The following SUGCT variants were observed in gnomAD, a reference collection of about 807,000 sequenced individuals.
SUGCT encodes succinyl-CoA:glutarate CoA-transferase.
Under a neutral mutation model 55.0 loss-of-function variants are expected in SUGCT, and 41 were observed. That is an observed-to-expected ratio of 0.74 (90% CI 0.58 to 0.97). The LOEUF is 0.97. Among genes scored for constraint, SUGCT ranks in the 50% least tolerant of loss-of-function variants. The pLI is 0.00. For missense variants in SUGCT, 568 were observed against 547.8 expected, an observed-to-expected ratio of 1.04 and a Z score of -0.37; for synonymous variants, 187 against 200.4, an observed-to-expected ratio of 0.93 and a Z score of 0.56.
intron 13 of SUGCT, among the ~76,000 whole-genome samples, chr7:40,756,429 A>G (rs1788256013): frequency 6.6e-6 from 1 of 152,220 alleles, no homozygotes; most frequent in Non-Finnish European, 1.5e-5. Context: ...AAGCCTATAC[A>G]TTAAATGGAG....
At chr7:40,178,956 G>A (rs999757042) in intron 1 of SUGCT, among the ~76,000 whole-genome samples, 7 of 151,760 alleles carry the variant, frequency 4.6e-5, no homozygotes, top group African/African-American at 1.7e-4. Context: ...GTTCTGCTCT[G>A]TAGGTGATTT....
chr7:40,939,324 G>T, the SUGCT span, among the ~76,000 whole-genome samples: 7 of 152,128 alleles, frequency 4.6e-5, no homozygotes, highest in African/African-American at 7.2e-5. Context: ...CTCTTTCCAG[G>T]TTTCTTCCAC....
the SUGCT span, among the ~76,000 whole-genome samples, chr7:40,874,551 T>C: frequency 3.3e-5 from 5 of 152,354 alleles, no homozygotes; most frequent in East Asian, 9.6e-4. Flanking sequence ...ATTATCACCC[T>C]GTAAATTTTT....
At chr7:40,151,197 G>A (rs568588718) in intron 1 of SUGCT, among the ~76,000 whole-genome samples, 8 of 152,256 alleles carry the variant, frequency 5.3e-5, no homozygotes, top group South Asian at 2.1e-4. Context: ...CCGAGATTGC[G>A]CCACTGCATT....
At chr7:40,660,784 C>T (rs1801264783) in intron 12 of SUGCT, among the ~76,000 whole-genome samples, 1 of 152,196 alleles carries the variant, frequency 6.6e-6, no homozygotes, top group Non-Finnish European at 1.5e-5. Context: ...ACCTCACTTA[C>T]TCTGATTCTG....
intron 12 of SUGCT, among the ~76,000 whole-genome samples, chr7:40,718,666 G>A (rs1351838903): frequency 6.6e-6 from 1 of 152,130 alleles, no homozygotes; most frequent in South Asian, 2.1e-4. Context: ...ATTACTACCA[G>A]CAGTTTGGAG....
At chr7:41,036,325 A>G in the SUGCT span, among the ~76,000 whole-genome samples, 3 of 152,214 alleles carry the variant, frequency 2.0e-5, no homozygotes, top group Non-Finnish European at 4.4e-5. Context: ...GTAACAATTT[A>G]TGTTAGAAAT....
intron 12 of SUGCT, among the ~76,000 whole-genome samples, chr7:40,540,773 T>C (rs1263195507): frequency 2.0e-5 from 3 of 152,220 alleles, no homozygotes; most frequent in Non-Finnish European, 4.4e-5. Context: ...ACTGATTGTG[T>C]ATGTCGCAGT....
chr7:40,999,415 T>G, the SUGCT span, among the ~76,000 whole-genome samples: 17 of 152,168 alleles, frequency 1.1e-4, no homozygotes, highest in Admixed American at 7.2e-4. Flanking sequence ...TGTTGATCCT[T>G]AAATAACATC....
chr7:40,403,599 A>T (rs901005812), intron 9 of SUGCT, among the ~76,000 whole-genome samples: 31 of 152,200 alleles, frequency 2.0e-4, no homozygotes, highest in African/African-American at 7.0e-4. Context: ...CCATTTGAAA[A>T]TTCAGGAGAA....
intron 13 of SUGCT, among the ~76,000 whole-genome samples, chr7:40,829,440 A>G (rs1007088199): frequency 6.6e-6 from 1 of 152,202 alleles, no homozygotes; most frequent in African/African-American, 2.4e-5. Context: ...CTGAGCCCCA[A>G]TTTTGGGATT....
chr7:40,952,082 G>A, the SUGCT span, among the ~76,000 whole-genome samples: 9 of 152,150 alleles, frequency 5.9e-5, no homozygotes, highest in Admixed American at 5.9e-4. Flanking sequence ...TATTGTGTGG[G>A]AGTCTAAGTC....
intron 12 of SUGCT, among the ~76,000 whole-genome samples, chr7:40,570,232 G>T (rs1796369010): frequency 6.6e-6 from 1 of 152,198 alleles, no homozygotes; most frequent in East Asian, 1.9e-4. Context: ...ACATACTAAA[G>T]ATTAATTTTC....
chr7:40,791,523 A>G (rs904061560), intron 13 of SUGCT, among the ~76,000 whole-genome samples: 1 of 152,312 alleles, frequency 6.6e-6, no homozygotes, highest in Non-Finnish European at 1.5e-5. Context: ...AGGTAGGTCA[A>G]CTTGGTATGC....
At chr7:40,255,438 G>A (rs1486470183) in intron 7 of SUGCT, among the ~76,000 whole-genome samples, 1 of 150,922 alleles carries the variant, frequency 6.6e-6, no homozygotes, top group Non-Finnish European at 1.5e-5. Context: ...GGGGCCGGCT[G>A]TTCACCTGAG....
At chr7:40,653,415 ACT>A (rs1178193991) in intron 12 of SUGCT, among the ~76,000 whole-genome samples, 1 of 152,142 alleles carries the variant, frequency 6.6e-6, no homozygotes, top group African/African-American at 2.4e-5. Flanking sequence ...CAAAATAAAA[ACT>A]TCTTGTCCTT....
chr7:40,399,924 C>A (rs907073454), intron 9 of SUGCT, among the ~76,000 whole-genome samples: 1 of 152,024 alleles, frequency 6.6e-6, no homozygotes, highest in Non-Finnish European at 1.5e-5. Context: ...TGATATGTGG[C>A]TGTAATCCCA....
chr7:40,923,023 A>T, the SUGCT span, among the ~76,000 whole-genome samples: 2 of 152,214 alleles, frequency 1.3e-5, no homozygotes, highest in Non-Finnish European at 2.9e-5. Context: ...GAAGATTAGA[A>T]AGCTGAGATG....
intron 12 of SUGCT, among the ~76,000 whole-genome samples, chr7:40,635,180 G>A (rs1389800622): frequency 6.6e-6 from 1 of 152,082 alleles, no homozygotes; most frequent in Non-Finnish European, 1.5e-5. Context: ...CAGCTACTTG[G>A]GAGGCTAAGT....
Sources: gnomAD v4.1 joint callset for allele counts (sites outside exome capture counted in the v4.1 genomes callset) on GRCh38, gnomAD v4.1.1 for gene constraint, MANE v1.5 for transcripts, NCBI Gene and HGNC (gene_info 2026-07-23, HGNC 2026-07-21) for gene names.